DNAH10: variants seen among roughly 807,000 people sequenced by gnomAD.
The protein encoded by DNAH10 is axonemal beta dynein heavy chain 10.
Under a neutral mutation model 506.6 loss-of-function variants are expected in DNAH10, and 348 were observed. That is an observed-to-expected ratio of 0.69 (90% CI 0.63 to 0.75). The LOEUF is 0.75. Among genes scored for constraint, DNAH10 ranks in the 30% least tolerant of loss-of-function variants. The pLI is 0.00. For synonymous variants in DNAH10, 2,059 were observed against 2,198.6 expected (o/e 0.94, Z 1.78); for missense variants, 5,179 against 5,787.1 (o/e 0.89, Z 3.41).
Position 123,925,464 on chromosome 12 carries a change from A to G in DNAH10, c.11921+260A>G, listed in dbSNP as rs1954902721. ...ATTAGAAAAGAAATGGGCGCAATTA[A>G]TTGTAATAACATTTTATTTAAATGA... On this transcript the variant is annotated intron_variant, in intron 68 of 78. Coordinates refer to ENST00000673944, the MANE Select transcript of DNAH10 (RefSeq NM_001372106.1). This position sits in a 1 kb window ranked among gnomAD's most constrained non-coding sequence, Gnocchi z 4.0. 2.6e-6 allele frequency: 1 copy of G among 378,818 alleles called. No individual in the cohort carries two copies. The highest frequency in any genetic ancestry group is 4.3e-5 in the Admixed American group (1 of 23,448). 23.5% of individuals were successfully genotyped at this position (378,818 alleles called of 1,614,324 possible). A position where few individuals can be genotyped will look rare whatever the true frequency, so the allele number is the denominator to read the frequency against.
At chr12:123,885,869 C>T (rs889610795) in intron 51 of DNAH10, among the ~76,000 whole-genome samples, 10 of 152,104 alleles carry the variant, frequency 6.6e-5, no homozygotes, top group African/African-American at 2.4e-4. Flanking sequence ...ATTTTTTGGA[C>T]ATTTACCTTT....
intron 30 of DNAH10, among the ~76,000 whole-genome samples, chr12:123,844,219 C>G (rs984505875): frequency 6.6e-6 from 1 of 152,156 alleles, no homozygotes; most frequent in African/African-American, 2.4e-5. Flanking sequence ...ATCACGAGAA[C>G]AGCATGGGGA....
Position 123,928,550 on chromosome 12 carries a change from A to G in DNAH10, c.12269A>G (p.Lys4090Arg), listed in dbSNP as rs745736549. 8.1e-6 allele frequency: 13 copies of G among 1,609,660 alleles called. No individual in the cohort carries two copies. The highest frequency in any genetic ancestry group is 3.3e-4 in the Middle Eastern group (2 of 6,082). Reference sequence around the variant, plus strand: ...CTGTGGCTCACCACGGACCCCACCAAGGGCTTCCCCATTGGGATTCTGCAG... The same window carrying G: ...CTGTGGCTCACCACGGACCCCACCAGGGGCTTCCCCATTGGGATTCTGCAG... ...FRLWLTTDPT[K>R]GFPIGILQKS... The change falls in exon 70 of 79, where the codon AAG becomes AGG. Residue 4090 changes from lysine (K) to arginine (R), a missense_variant. Lys to Arg is a conservative substitution (Grantham distance 26, BLOSUM62 2). Transcript: ENST00000673944. The surrounding 1 kb of genome is among the most constrained non-coding windows in gnomAD (Gnocchi z 4.9).
intron 1 of DNAH10, among the ~76,000 whole-genome samples, chr12:123,765,005 A>AT (rs1357308795): frequency 2.0e-5 from 3 of 151,790 alleles, no homozygotes; most frequent in Non-Finnish European, 4.4e-5. Context: ...TCCCTAGATT[A>AT]TTTTTGGGGG....
At chr12:123,879,134 G>A (rs994936818) in intron 48 of DNAH10, 130 bp from the exon 49 acceptor site, 4 of 694,964 alleles carry the variant, frequency 5.8e-6, no homozygotes, top group African/African-American at 1.8e-5. Flanking sequence ...GTGAGACTAG[G>A]GGGGCACGAC....
chr12:123,800,684 A>G (rs527284391), intron 15 of DNAH10, among the ~76,000 whole-genome samples: 1 of 145,244 alleles, frequency 6.9e-6, no homozygotes, highest in South Asian at 2.1e-4. Flanking sequence ...CCTGTATCCA[A>G]AAAAAAAAAA....
intron 43 of DNAH10, among the ~76,000 whole-genome samples, chr12:123,869,373 A>G (rs1951935093): frequency 6.6e-6 from 1 of 151,958 alleles, no homozygotes. Context: ...TCCCTCCGAG[A>G]AAACTCCAAG....
chr12:123,914,914 G>C lies in DNAH10; in HGVS notation c.10637G>C (p.Arg3546Pro), dbSNP rs770712706. The C allele has an allele frequency of 2.5e-6, 4 of 1,613,220 alleles. No homozygotes were observed. The highest frequency in any genetic ancestry group is 4.5e-5 in the East Asian group (2 of 44,862). ...LSVQNGILTT[R>P]ASRFPLCIDP... Reference sequence around the variant, plus strand: ...GTTCAGAATGGCATCCTCACCACCCGGGCCAGCCGCTTCCCTCTGTGTATC... The same window carrying C: ...GTTCAGAATGGCATCCTCACCACCCCGGCCAGCCGCTTCCCTCTGTGTATC... Residue 3546 changes from arginine (R) to proline (P), a missense_variant, in exon 62 of 79, where the codon CGG becomes CCG. Coordinates refer to ENST00000673944, the MANE Select transcript of DNAH10 (RefSeq NM_001372106.1).
rs1959012114 is a variant in DNAH10, at chr12:123,813,253, T to G, written c.3234T>G (p.Asn1078Lys). 6.2e-7 allele frequency: 1 copy of G among 1,614,202 alleles called. No individual in the cohort carries two copies. The highest frequency in any genetic ancestry group is 1.3e-5 in the African/African-American group (1 of 75,054). Residue 1078 changes from asparagine (N) to lysine (K), a missense_variant, in exon 20 of 79, where the codon AAT (asparagine) becomes AAG (lysine). Asn to Lys is a moderately conservative substitution (Grantham distance 94, BLOSUM62 0). Transcript: ENST00000673944. The stretch of plus-strand genomic sequence containing the variant: ...AAGTTGTTATAATAAACTTTTACAA[T>G]GATATCTCTCTGAACCCTCAGATAA... ...EEEVVIINFY[N>K]DISLNPQIIE... is the part of the protein sequence containing the mutation.
chr12:123,926,663 T>C lies in DNAH10; in HGVS notation c.11948T>C (p.Phe3983Ser), dbSNP rs779172549. The change falls in exon 69 of 79, where the codon TTT becomes TCT. Residue 3983 changes from phenylalanine to serine, a missense_variant. By Grantham distance (155) the Phe-to-Ser change is radical. Around this residue, in one of 3 missense-constraint regions of DNAH10, gnomAD observed 4,844 missense variants for 5,430.5 expected, o/e 0.89. Coordinates refer to ENST00000673944, the MANE Select transcript of DNAH10 (RefSeq NM_001372106.1). The surrounding 1 kb of genome is among the most constrained non-coding windows in gnomAD (Gnocchi z 4.1). ...EKYVQPPMIS[F>S]EAIFEQSTPH... ...TATGTGCAGCCCCCAATGATCAGCT[T>C]TGAAGCTATTTTTGAGCAGAGCACT... 6.2e-7 allele frequency: 1 copy of C among 1,613,818 alleles called. No homozygotes were observed. Among genetic ancestry groups the C allele is most frequent in the Non-Finnish European group, 8.5e-7 (1 of 1,179,842 alleles).
At chr12:123,875,192 G>A (rs1317918473) in intron 46 of DNAH10, 39 bp from the exon 47 acceptor site, 10 of 1,568,420 alleles carry the variant, frequency 6.4e-6, no homozygotes, top group Non-Finnish European at 8.7e-6. Context: ...CCTACTTTGC[G>A]ATACTACTGT....
rs74845458 is a variant in DNAH10, at chr12:123,925,083, G to T, written c.11800G>T (p.Val3934Phe). The T allele has an allele frequency of 0.013, 21,616 of 1,613,890 alleles. 1,517 individuals are homozygous for T. The African/African-American group carries it at 0.19, about 14-fold the overall frequency. ...CCTGGATTCACTGGAGCAGTTTCCCGTCCCCTTGGGTTACGATAACAACAT... is the reference window on the plus strand; with the variant it reads ...CCTGGATTCACTGGAGCAGTTTCCCTTCCCCTTGGGTTACGATAACAACAT... Reference protein sequence around the residue: ...YDLDSLEQFPVPLGYDNNITP... With the variant: ...YDLDSLEQFPFPLGYDNNITP... Residue 3934 changes from valine (V) to phenylalanine (F), a missense_variant, in exon 68 of 79, where the codon GTC becomes TTC. By Grantham distance (50) the Val-to-Phe change is conservative. Transcript: ENST00000673944. The surrounding 1 kb of genome is among the most constrained non-coding windows in gnomAD (Gnocchi z 4.0).
At chr12:123,886,795 G>C (rs974212533) in intron 51 of DNAH10, among the ~76,000 whole-genome samples, 1 of 152,132 alleles carries the variant, frequency 6.6e-6, no homozygotes, top group African/African-American at 2.4e-5. Context: ...CATTTACATC[G>C]ATTTCGTGTG....
In DNAH10 at chr12:123,762,593, G is replaced by A; in HGVS notation, c.214+43G>A. ...GCTCCCTTCCCCGGGCTTCCCTCCT[G>A]CCCGTCCCGGCCTCTCCGGCGGGCG... is the stretch of plus-strand genomic sequence containing the variant. On this transcript the variant is annotated intron_variant, in intron 1 of 78. Coordinates refer to ENST00000673944, the MANE Select transcript of DNAH10 (RefSeq NM_001372106.1). The surrounding 1 kb of genome is among the most constrained non-coding windows in gnomAD (Gnocchi z 5.0). The A allele has an allele frequency of 1.3e-6, 2 of 1,510,762 alleles. No homozygotes were observed. The highest frequency in any genetic ancestry group is 2.6e-5 in the East Asian group (1 of 38,080). 93.6% of individuals were successfully genotyped at this position (1,510,762 alleles called of 1,614,324 possible).
intron 1 of DNAH10, among the ~76,000 whole-genome samples, chr12:123,766,158 CATCT>C (rs1206355449): frequency 2.4e-4 from 36 of 152,126 alleles, no homozygotes; most frequent in African/African-American, 8.7e-4. Context: ...CCTACCTATA[CATCT>C]ATCTCTCTCT....
In DNAH10 at chr12:123,787,245, T is replaced by A. The variant is rs183620279; in HGVS notation, c.1422-559T>A. ...ACATAGGTATCTATGTCTATATCCA[T>A]CTATACAGATAGGTATCTATGTCTA... is the stretch of plus-strand genomic sequence containing the variant. On this transcript the variant is annotated intron_variant, in intron 9 of 78. Coordinates refer to ENST00000673944, the MANE Select transcript of DNAH10 (RefSeq NM_001372106.1). The surrounding 1 kb of genome is among the most constrained non-coding windows in gnomAD (Gnocchi z 4.6). 1.7e-3 allele frequency among the ~76,000 whole-genome samples: 252 copies of A among 152,362 alleles called. No individual in the cohort carries two copies. The highest frequency in any genetic ancestry group is 5.7e-3 in the African/African-American group (236 of 41,590).
In DNAH10 at chr12:123,919,084, T is replaced by C. The variant is rs1954617603; in HGVS notation, c.11506+135T>C. ...TTTTTTCTTTCTTTCTTTCTTTTTC[T>C]TTTTTTTTTGAGATAGGGTCTTGCT... On this transcript the variant is annotated intron_variant, in intron 65 of 78. Transcript: ENST00000673944. The surrounding 1 kb of genome is among the most constrained non-coding windows in gnomAD (Gnocchi z 4.9). 1 of 770,922 alleles carries C rather than the reference T, an allele frequency of 1.3e-6. No individual in the cohort carries two copies. The highest frequency in any genetic ancestry group is 1.7e-6 in the Non-Finnish European group (1 of 577,194). 47.8% of individuals were successfully genotyped at this position (770,922 alleles called of 1,614,324 possible). A position where few individuals can be genotyped will look rare whatever the true frequency, so the allele number is the denominator to read the frequency against.
rs1410806969 is a variant in DNAH10 at position 123,762,428 on chromosome 12, G to A, written c.92G>A (p.Arg31His). Residue 31 changes from arginine to histidine, a missense_variant, in exon 1 of 79, where the codon CGC becomes CAC. Arg to His is a conservative substitution (Grantham distance 29). Transcript: ENST00000673944. The surrounding 1 kb of genome is among the most constrained non-coding windows in gnomAD (Gnocchi z 5.0). ...DPQLFEDLLN[R>H]DDGQGEDLIL... Reference sequence around the variant, plus strand: ...CAGCTTTTCGAGGACCTGCTCAACCGCGACGACGGCCAGGGCGAGGACCTC... The same window carrying A: ...CAGCTTTTCGAGGACCTGCTCAACCACGACGACGGCCAGGGCGAGGACCTC... 7.0e-7 allele frequency: 1 copy of A among 1,429,648 alleles called. No individual in the cohort carries two copies. The highest frequency in any genetic ancestry group is 9.2e-7 in the Non-Finnish European group (1 of 1,084,932). 88.6% of individuals were successfully genotyped at this position (1,429,648 alleles called of 1,614,324 possible).
intron 16 of DNAH10, 108 bp downstream of exon 16, chr12:123,801,540 C>A (rs2136279899): frequency 1.4e-6 from 2 of 1,381,402 alleles, no homozygotes; most frequent in Non-Finnish European, 9.8e-7. Context: ...AGACAATTAA[C>A]AATTTTTGAG....
Sources: gnomAD v4.1 joint callset for allele counts (sites outside exome capture counted in the v4.1 genomes callset) on GRCh38, gnomAD v4.1.1 for gene constraint, gnomAD v4.1.1 regional missense constraint, Gnocchi (gnomAD v3.1) non-coding constraint, MANE v1.5 for transcripts, NCBI Gene and HGNC (gene_info 2026-07-23, HGNC 2026-07-21) for gene names.